The following STPG2 variants were observed in gnomAD, a reference collection of about 807,000 sequenced individuals.
The protein encoded by STPG2 is sperm-tail PG-rich repeat-containing protein 2.
STPG2 carries 56 observed loss-of-function variants against 54.2 expected under a neutral mutation model. That is an observed-to-expected ratio of 1.03 (90% CI 0.83 to 1.29). STPG2 has a LOEUF of 1.29. Among genes scored for constraint, STPG2 ranks in the 50% most tolerant of loss-of-function variants. The pLI is 0.00. For missense variants in STPG2, 596 were observed against 544.9 expected (o/e 1.09, Z -0.93); for synonymous variants, 200 against 181.8 (o/e 1.10, Z -0.81).
intron 9 of STPG2, among the ~76,000 whole-genome samples, chr4:97,786,185 G>A (rs1212224628): frequency 3.0e-5 from 4 of 133,718 alleles, no homozygotes; most frequent in Non-Finnish European, 4.8e-5. Flanking sequence ...CCATAGACAT[G>A]AGTTTGCCAA....
chr4:97,996,446 C>T (rs1242951482), intron 5 of STPG2, among the ~76,000 whole-genome samples: 2 of 151,374 alleles, frequency 1.3e-5, no homozygotes, highest in Non-Finnish European at 3.0e-5. Flanking sequence ...CTTTCTTACA[C>T]CAAATCAACT....
rs565017199 is a variant in STPG2, at chr4:97,700,352, C to T, written c.1320+12347G>A. 3.3e-5 allele frequency among the ~76,000 whole-genome samples: 5 copies of T among 152,310 alleles called. No individual in the cohort carries two copies. In the South Asian group the frequency reaches 1.0e-3, roughly 32 times the overall value. ...CCTTTTGGGTCACTCAACAAATGGG[C>T]CAGAGCAATACACCCAAATGAGGAA... On this transcript the variant is annotated intron_variant, in intron 10 of 10. Coordinates refer to ENST00000295268, the MANE Select transcript of STPG2 (RefSeq NM_174952.3).
chr4:97,570,350 G>A (rs899480710), intron 10 of STPG2, among the ~76,000 whole-genome samples: 1 of 151,930 alleles, frequency 6.6e-6, no homozygotes, highest in Non-Finnish European at 1.5e-5. Flanking sequence ...CAAGGCATTG[G>A]GGTGGCATGA....
At chr4:97,551,731 C>T (rs1006664706) in intron 4 of STPG2, among the ~76,000 whole-genome samples, 1 of 152,200 alleles carries the variant, frequency 6.6e-6, no homozygotes, top group Non-Finnish European at 1.5e-5. Flanking sequence ...GGAGCTCTCG[C>T]TCATGTACAT....
At chr4:97,817,525 A>G (rs1727953408) in intron 9 of STPG2, among the ~76,000 whole-genome samples, 1 of 151,980 alleles carries the variant, frequency 6.6e-6, no homozygotes, top group Non-Finnish European at 1.5e-5. Flanking sequence ...TAAATAGAAT[A>G]AATTATTTCA....
intron 9 of STPG2, among the ~76,000 whole-genome samples, chr4:97,777,476 T>C (rs1726416713): frequency 6.6e-6 from 1 of 152,198 alleles, no homozygotes; most frequent in African/African-American, 2.4e-5. Context: ...ACAGACTCTA[T>C]GCTATAAGAA....
chr4:98,133,402 G>C (rs1196975619), intron 2 of STPG2, among the ~76,000 whole-genome samples: 1 of 151,954 alleles, frequency 6.6e-6, no homozygotes, highest in African/African-American at 2.4e-5. Context: ...ACCGTTCACA[G>C]AGCCTATCTC....
chr4:98,093,963 T>C (rs953361486), intron 5 of STPG2, among the ~76,000 whole-genome samples: 2 of 152,134 alleles, frequency 1.3e-5, no homozygotes, highest in Non-Finnish European at 2.9e-5. Context: ...CTAAGTAAAC[T>C]TGAAAGACAG....
At chr4:97,735,638 C>T (rs1578518132) in intron 9 of STPG2, among the ~76,000 whole-genome samples, 1 of 148,884 alleles carries the variant, frequency 6.7e-6, no homozygotes, top group African/African-American at 2.4e-5. Context: ...TATACACACA[C>T]ATATCTACAG....
In STPG2 at chr4:98,130,656, C is replaced by A. The variant is rs1739960380; in HGVS notation, c.223-2064G>T. On this transcript the variant is annotated intron_variant, in intron 2 of 10. Coordinates refer to ENST00000295268, the MANE Select transcript of STPG2 (RefSeq NM_174952.3). ...TTCCAAAATAGGCCAGGCGCAGTGG[C>A]TCACACCTGTAATCCCAGCACTTTG... Among the ~76,000 whole-genome samples the A allele has an allele frequency of 3.3e-5, 5 of 152,004 alleles. No individual in the cohort carries two copies. The South Asian group carries it at 1.0e-3, about 32-fold the overall frequency.
intron 9 of STPG2, among the ~76,000 whole-genome samples, chr4:97,771,123 G>T (rs546036819): frequency 1.3e-5 from 2 of 152,230 alleles, no homozygotes; most frequent in African/African-American, 4.8e-5. Context: ...ACTGAATGCT[G>T]CCATTATTTC....
Position 98,025,096 on chromosome 4 carries a change from A to T in STPG2, c.613-43778T>A, listed in dbSNP as rs546484695. 3.9e-5 allele frequency among the ~76,000 whole-genome samples: 6 copies of T among 152,346 alleles called. No individual in the cohort carries two copies. In the South Asian group the frequency reaches 1.0e-3, roughly 26 times the overall value. On this transcript the variant is annotated intron_variant, in intron 5 of 10. Transcript: ENST00000295268. Reference sequence around the variant, plus strand: ...AAAAGGCTCTCCTTTATTATCAAGGATTACTTTAGTTTACTCTTTAAGAGT... The same window carrying T: ...AAAAGGCTCTCCTTTATTATCAAGGTTTACTTTAGTTTACTCTTTAAGAGT...
chr4:97,533,669 T>C (rs1453229007), intron 4 of STPG2, among the ~76,000 whole-genome samples: 2 of 152,138 alleles, frequency 1.3e-5, no homozygotes, highest in South Asian at 2.1e-4. Flanking sequence ...ATATGTACTA[T>C]TATGTCAAAT....
At chr4:97,894,005 G>C (rs961964698) in intron 8 of STPG2, among the ~76,000 whole-genome samples, 1 of 151,926 alleles carries the variant, frequency 6.6e-6, no homozygotes, top group Non-Finnish European at 1.5e-5. Flanking sequence ...GTTTTCTTCC[G>C]TGCCAATAAC....
intron 9 of STPG2, among the ~76,000 whole-genome samples, chr4:97,724,236 T>C (rs1398133013): frequency 1.3e-5 from 2 of 152,130 alleles, no homozygotes; most frequent in African/African-American, 4.8e-5. Context: ...TATACCTTTA[T>C]TTTTACACAC....
intron 9 of STPG2, among the ~76,000 whole-genome samples, chr4:97,796,955 C>T (rs1027500400): frequency 6.6e-6 from 1 of 152,088 alleles, no homozygotes; most frequent in African/African-American, 2.4e-5. Flanking sequence ...CTCTTGGAAG[C>T]AATTGTGAAT....
intron 9 of STPG2, among the ~76,000 whole-genome samples, chr4:97,774,550 G>A (rs141097367): frequency 1.6e-3 from 238 of 152,150 alleles, no homozygotes; most frequent in African/African-American, 5.6e-3. Flanking sequence ...GAGGTTTACA[G>A]TAAGGAGTAG....
At chr4:97,829,247 A>C (rs1728363038) in intron 9 of STPG2, among the ~76,000 whole-genome samples, 1 of 152,128 alleles carries the variant, frequency 6.6e-6, no homozygotes, top group Non-Finnish European at 1.5e-5. Flanking sequence ...TCTGGAGTAG[A>C]ACTCCAGAAA....
At chr4:97,631,979 T>C (rs1243912880) in intron 10 of STPG2, among the ~76,000 whole-genome samples, 1 of 151,998 alleles carries the variant, frequency 6.6e-6, no homozygotes, top group Admixed American at 6.6e-5. Context: ...TGCTTGTCCA[T>C]CACATGCAAA....
Sources: gnomAD v4.1 joint callset for allele counts (sites outside exome capture counted in the v4.1 genomes callset) on GRCh38, gnomAD v4.1.1 for gene constraint, MANE v1.5 for transcripts, NCBI Gene and HGNC (gene_info 2026-07-23, HGNC 2026-07-21) for gene names.